Variants in SOX7 observed in about 807,000 individuals in gnomAD.
SOX7 encodes the protein transcription factor SOX-7.
In SOX7, 19 loss-of-function variants were observed where a neutral mutation model predicts 24.9. The ratio of observed to expected loss-of-function variants is 0.76; its 90% CI spans 0.53 to 1.12. SOX7 has a LOEUF of 1.12. SOX7 is among the 50% of genes most tolerant of loss of function. The pLI, the probability that SOX7 is intolerant of heterozygous loss-of-function variation, is 0.00. For missense variants in SOX7, 702 were observed against 535.0 expected, an observed-to-expected ratio of 1.31 and a Z score of -3.08; for synonymous variants, 327 against 244.5, an observed-to-expected ratio of 1.34 and a Z score of -3.15.
Position 10,726,378 on chromosome 8 carries a change from C to T in SOX7, c.527G>A (p.Gly176Asp), listed in dbSNP as rs763718244. The T allele has an allele frequency of 5.0e-6, 8 of 1,612,514 alleles. No homozygotes were observed. In the South Asian group the frequency reaches 5.5e-5, roughly 11 times the overall value. ...ACCAGCCGGCCCCTCGTGGTAGCAG[C>T]CCCGGAGGCTGGGCAGGGCAGTGCC... ...SPGTALPSLR[G>D]CYHEGPAGGG... is the part of the protein sequence containing the mutation. Residue 176 changes from glycine (G) to aspartate (D), a missense_variant, in exon 2 of 2, where the codon GGC becomes GAC. By Grantham distance (94) the Gly-to-Asp change is moderately conservative. Coordinates refer to ENST00000304501, the MANE Select transcript of SOX7 (RefSeq NM_031439.4).
In SOX7 at chr8:10,725,598, C is replaced by T; in HGVS notation, c.*140G>A. 1.2e-6 allele frequency: 1 copy of T among 865,580 alleles called. No individual in the cohort carries two copies. Among genetic ancestry groups the T allele is most frequent in the Non-Finnish European group, 1.8e-6 (1 of 559,818 alleles). The allele number at this position is 865,580 out of a possible 1,614,324, so 53.6% of individuals were successfully genotyped here. On this transcript the variant is annotated 3_prime_UTR_variant, in exon 2 of 2. Coordinates refer to ENST00000304501, the MANE Select transcript of SOX7 (RefSeq NM_031439.4). Reference sequence around the variant, plus strand: ...TCGGATAAGGAGAGTCCAGCTTAGGCCAAAGGCTCTGGGGCCGCAGTTCAG... The same window carrying T: ...TCGGATAAGGAGAGTCCAGCTTAGGTCAAAGGCTCTGGGGCCGCAGTTCAG...
In SOX7 at chr8:10,725,046, T is replaced by A. The variant is rs1319992998; in HGVS notation, c.*692A>T. The A allele has an allele frequency of 6.6e-6, 1 of 152,636 alleles. No individual in the cohort carries two copies. The highest frequency in any genetic ancestry group is 1.5e-5 in the Non-Finnish European group (1 of 68,432). The allele number at this position is 152,636 out of a possible 1,614,324, so 9.5% of individuals were successfully genotyped here. A position where few individuals can be genotyped will look rare whatever the true frequency, so the allele number is the denominator to read the frequency against. Reference sequence around the variant, plus strand: ...CTAGACTGTGCATATTCTCTTGAAGTGTGTGTATAATAAACAAATTAACAA... The same window carrying A: ...CTAGACTGTGCATATTCTCTTGAAGAGTGTGTATAATAAACAAATTAACAA... On this transcript the variant is annotated 3_prime_UTR_variant, in exon 2 of 2. Transcript: ENST00000304501.
chr8:10,725,204 T>C lies in SOX7; in HGVS notation c.*534A>G, dbSNP rs1800117006. ...ACTGTTTTTTCTCAAATTGTATGAG[T>C]CCCTTTGAAATTTTGTGGTCACTTT... On this transcript the variant is annotated 3_prime_UTR_variant, in exon 2 of 2. Coordinates refer to ENST00000304501, the MANE Select transcript of SOX7 (RefSeq NM_031439.4). 6.4e-6 allele frequency: 1 copy of C among 155,350 alleles called. No homozygotes were observed. Among genetic ancestry groups the C allele is most frequent in the Non-Finnish European group, 1.4e-5 (1 of 70,100 alleles). The allele number at this position is 155,350 out of a possible 1,614,324, so 9.6% of individuals were successfully genotyped here. A position where few individuals can be genotyped will look rare whatever the true frequency, so the allele number is the denominator to read the frequency against.
chr8:10,730,109 C>A lies in SOX7; in HGVS notation c.238+87G>T. 4 of 1,032,596 alleles carry A rather than the reference C, an allele frequency of 3.9e-6. No individual in the cohort carries two copies. In the East Asian group the frequency reaches 1.0e-4, roughly 27 times the overall value. The allele number at this position is 1,032,596 out of a possible 1,614,324, so 64.0% of individuals were successfully genotyped here. A position where few individuals can be genotyped will look rare whatever the true frequency, so the allele number is the denominator to read the frequency against. On this transcript the variant is annotated intron_variant, in intron 1 of 1. Transcript: ENST00000304501. This position sits in a 1 kb window ranked among gnomAD's most constrained non-coding sequence, Gnocchi z 4.8. ...TCCCGCGTGCCGGGTCTTCCCCAGG[C>A]TCCGCGCTCGCACCCGCCCTGCAGT...
At chr8:10,726,707 C>T (rs759747735) in intron 1 of SOX7, 41 bp from the exon 2 acceptor site, 2 of 1,511,674 alleles carry the variant, frequency 1.3e-6, no homozygotes, top group Non-Finnish European at 1.8e-6. Context: ...CAGTGCTGTG[C>T]CCCGCAGGCA....
rs1234585829 is a variant in SOX7 at position 10,726,683 on chromosome 8, G to A, written c.239-17C>T. The A allele has an allele frequency of 1.3e-6, 2 of 1,549,714 alleles. No individual in the cohort carries two copies. Among genetic ancestry groups the A allele is most frequent in the South Asian group, 1.2e-5 (1 of 82,078 alleles). The stretch of plus-strand genomic sequence containing the variant: ...ACGACTTTCCTGCTCACACAAGGCA[G>A]AGGAGGCCATGCTCAGTGCTGTGCC... On this transcript the variant is annotated splice_polypyrimidine_tract_variant and intron_variant, in intron 1 of 1. Transcript: ENST00000304501.
chr8:10,726,538 T>C lies in SOX7; in HGVS notation c.367A>G (p.Lys123Glu), dbSNP rs1445062433. 5.0e-6 allele frequency: 8 copies of C among 1,612,480 alleles called. No individual in the cohort carries two copies. The Admixed American group carries it at 8.3e-5, about 17-fold the overall frequency. ...GGGTCCACGCGCTTGCACAGCCGCT[T>C]GGCCTGCTTCTTCCTGCGCGGCCGG... Reference protein sequence around the residue: ...KYRPRRKKQAKRLCKRVDPGF... With the variant: ...KYRPRRKKQAERLCKRVDPGF... The change falls in exon 2 of 2, where the codon AAG (lysine) becomes GAG (glutamate). Residue 123 changes from lysine (K) to glutamate (E), a missense_variant. Lys to Glu is a moderately conservative substitution (Grantham distance 56, BLOSUM62 1). Coordinates refer to ENST00000304501, the MANE Select transcript of SOX7 (RefSeq NM_031439.4).
chr8:10,729,380 G>A (rs994331158), intron 1 of SOX7: 4 of 152,322 alleles, frequency 2.6e-5, no homozygotes, highest in Admixed American at 2.6e-4. Flanking sequence ...CTCGTCGAAA[G>A]GCAAAGAAGG....
Position 10,730,169 on chromosome 8 carries a change from A to C in SOX7, c.238+27T>G. ...CGCCCGCCGCCCGCCCCCGGCCCCCAGCCCGCTCGGCCGCGCGCTCACTCA... is the reference window on the plus strand; with the variant it reads ...CGCCCGCCGCCCGCCCCCGGCCCCCCGCCCGCTCGGCCGCGCGCTCACTCA... On this transcript the variant is annotated intron_variant, in intron 1 of 1. Transcript: ENST00000304501. This position sits in a 1 kb window ranked among gnomAD's most constrained non-coding sequence, Gnocchi z 4.8. 2.8e-4 allele frequency: 269 copies of C among 970,808 alleles called. No homozygotes were observed. The highest frequency in any genetic ancestry group is 3.1e-4 in the Non-Finnish European group (222 of 706,720). 60.1% of individuals were successfully genotyped at this position (970,808 alleles called of 1,614,324 possible).
rs145924269 is a variant in SOX7, at chr8:10,726,420, C to G, written c.485G>C (p.Arg162Thr). The change falls in exon 2 of 2, where the codon AGG becomes ACG. Residue 162 changes from arginine to threonine, a missense_variant. By Grantham distance (71) the Arg-to-Thr change is moderately conservative (BLOSUM62 -1). Coordinates refer to ENST00000304501, the MANE Select transcript of SOX7 (RefSeq NM_031439.4). The stretch of plus-strand genomic sequence containing the variant: ...GGCAGTGCCGGGGGAGTACTCACCC[C>G]TGTCCTCCTTCTCCCCCAGCGCCCC... Reference protein sequence around the residue: ...SRGALGEKEDRGEYSPGTALP... With the variant: ...SRGALGEKEDTGEYSPGTALP... 2.7e-5 allele frequency: 43 copies of G among 1,612,354 alleles called. No homozygotes were observed. In the East Asian group the frequency reaches 9.6e-4, roughly 36 times the overall value.
intron 1 of SOX7, chr8:10,729,512 C>T (rs1210310954): frequency 6.6e-6 from 1 of 152,116 alleles, no homozygotes; most frequent in Non-Finnish European, 1.5e-5. Flanking sequence ...AGTCCGTGTC[C>T]CCAGTCCCTG....
chr8:10,729,534 C>G (rs1010412201), intron 1 of SOX7: 1 of 152,230 alleles, frequency 6.6e-6, no homozygotes, highest in African/African-American at 2.4e-5. Context: ...GGGGACAGCT[C>G]AGGAAGAGAG....
At position 10,725,624 on chromosome 8, in the gene SOX7, A is replaced by T; in HGVS notation, c.*114T>A. Reference sequence around the variant, plus strand: ...CAAAGGCTCTGGGGCCGCAGTTCAGACCTCCCTGCCCTGAGCGGTGGGAGG... The same window carrying T: ...CAAAGGCTCTGGGGCCGCAGTTCAGTCCTCCCTGCCCTGAGCGGTGGGAGG... On this transcript the variant is annotated 3_prime_UTR_variant, in exon 2 of 2. Transcript: ENST00000304501. 8.7e-7 allele frequency: 1 copy of T among 1,150,090 alleles called. No homozygotes were observed. Among genetic ancestry groups the T allele is most frequent in the Non-Finnish European group, 1.2e-6 (1 of 802,150 alleles). 71.2% of individuals were successfully genotyped at this position (1,150,090 alleles called of 1,614,324 possible). A position where few individuals can be genotyped will look rare whatever the true frequency, so the allele number is the denominator to read the frequency against.
rs780571807 is a variant in SOX7 at position 10,726,018 on chromosome 8, A to C, written c.887T>G (p.Leu296Arg). The change falls in exon 2 of 2, where the codon CTC (leucine) becomes CGC (arginine). Residue 296 changes from leucine (L) to arginine (R), a missense_variant. Coordinates refer to ENST00000304501, the MANE Select transcript of SOX7 (RefSeq NM_031439.4). ...GGAAAGCTGGCCCAGGTGGGCTTGGAGGTTGGAGTGGAGTGGGTGGTAGGT... is the reference window on the plus strand; with the variant it reads ...GGAAAGCTGGCCCAGGTGGGCTTGGCGGTTGGAGTGGAGTGGGTGGTAGGT... Reference protein sequence around the residue: ...PATYHPLHSNLQAHLGQLSPP... With the variant: ...PATYHPLHSNRQAHLGQLSPP... 1 of 1,584,770 alleles carries C rather than the reference A, an allele frequency of 6.3e-7. No individual in the cohort carries two copies. Among genetic ancestry groups the C allele is most frequent in the East Asian group, 2.2e-5 (1 of 44,628 alleles).
rs1800130568 is a variant in SOX7, at chr8:10,725,665, G to C, written c.*73C>G. ...CGGTGGGAGGAAAGCTGGTGTGGCT[G>C]GACGGCTCCTCTGCCACTCAAGGCA... On this transcript the variant is annotated 3_prime_UTR_variant, in exon 2 of 2. Transcript: ENST00000304501. The C allele has an allele frequency of 2.0e-6, 3 of 1,522,616 alleles. No homozygotes were observed. Among genetic ancestry groups the C allele is most frequent in the Middle Eastern group, 3.7e-4 (2 of 5,394 alleles). 94.3% of individuals were successfully genotyped at this position (1,522,616 alleles called of 1,614,324 possible).
intron 1 of SOX7, among the ~76,000 whole-genome samples, chr8:10,729,994 G>T (rs577477694): frequency 6.8e-4 from 103 of 151,974 alleles, no homozygotes; most frequent in African/African-American, 2.4e-3. Context: ...ACTTTGGACC[G>T]CGCCAAGTGC....
rs772949381 is a variant in SOX7, at chr8:10,730,314, G to A, written c.120C>T (p.Gly40=). The A allele has an allele frequency of 2.8e-5, 44 of 1,576,032 alleles. No individual in the cohort carries two copies. The highest frequency in any genetic ancestry group is 5.6e-5 in the African/African-American group (4 of 71,188). The change falls in exon 1 of 2, where the codon GGC becomes GGT. Residue 40 remains glycine, a synonymous_variant. Transcript: ENST00000304501. This position sits in a 1 kb window ranked among gnomAD's most constrained non-coding sequence, Gnocchi z 4.8. ...PAVPRPPGDK[G]SESRIRRPMN... is the part of the protein sequence containing the mutation. ...TGGGCCGCCGGATACGGCTCTCGGA[G>A]CCCTTGTCCCCCGGGGGCCGGGGGA...
At chr8:10,727,288 G>C (rs1008200075) in intron 1 of SOX7, among the ~76,000 whole-genome samples, 3 of 152,152 alleles carry the variant, frequency 2.0e-5, no homozygotes, top group African/African-American at 7.2e-5. Context: ...GGATGACTGA[G>C]GCCAGAATGC....
Position 10,726,018 on chromosome 8 carries a change from AG to A in SOX7, c.886del (p.Leu296SerfsTer23). On this transcript the variant is annotated frameshift_variant, in exon 2 of 2. Coordinates refer to ENST00000304501, the MANE Select transcript of SOX7 (RefSeq NM_031439.4). LOFTEE classifies it high-confidence loss of function. The part of the protein sequence containing the change: ...PATYHPLHSN[L>X]QAHLGQLSPP... ...GGAAAGCTGGCCCAGGTGGGCTTGG[AG>A]GTTGGAGTGGAGTGGGTGGTAGGTG... 6.3e-7 allele frequency: 1 copy of A among 1,584,770 alleles called. No homozygotes were observed. Among genetic ancestry groups the A allele is most frequent in the Non-Finnish European group, 8.6e-7 (1 of 1,164,488 alleles).
Sources: allele counts gnomAD v4.1 joint callset (sites outside exome capture counted in the v4.1 genomes callset), GRCh38; gene constraint gnomAD v4.1.1; non-coding constraint Gnocchi (gnomAD v3.1); transcripts MANE v1.5; gene names NCBI Gene and HGNC (gene_info 2026-07-23, HGNC 2026-07-21).